CNTN5: variants seen among roughly 807,000 people sequenced by gnomAD.
The protein encoded by CNTN5 is contactin-5.
Under a neutral mutation model 129.1 loss-of-function variants are expected in CNTN5, and 77 were observed. The observed-to-expected ratio is 0.60, with a 90% CI of 0.50 to 0.72. The LOEUF is 0.72. Ranked by LOEUF, CNTN5 falls within the 30% of genes least tolerant of loss-of-function variation. CNTN5 has a pLI of 0.00. For synonymous variants in CNTN5, 509 were observed against 465.6 expected (o/e 1.09, Z -1.20); for missense variants, 1,478 against 1,328.8 (o/e 1.11, Z -1.75).
At chr11:99,333,839 T>G (rs1866103335) in intron 2 of CNTN5, among the ~76,000 whole-genome samples, 1 of 151,710 alleles carries the variant, frequency 6.6e-6, no homozygotes, top group Non-Finnish European at 1.5e-5. Context: ...TCCAACAGAG[T>G]TAATGATAAC....
intron 2 of CNTN5, among the ~76,000 whole-genome samples, chr11:99,431,192 G>T (rs1053554771): frequency 2.6e-5 from 4 of 152,016 alleles, no homozygotes; most frequent in African/African-American, 9.7e-5. Flanking sequence ...AGCTCTGATG[G>T]TAAGGAGAAA....
At chr11:99,844,660 A>G (rs1193090078) in intron 4 of CNTN5, 192 bp from the exon 5 acceptor site, 2 of 582,176 alleles carry the variant, frequency 3.4e-6, no homozygotes, top group Non-Finnish European at 6.0e-6. Context: ...TTAGTTGATT[A>G]AAAATTATAT....
At chr11:99,908,757 T>A (rs547759511) in intron 6 of CNTN5, among the ~76,000 whole-genome samples, 14 of 152,240 alleles carry the variant, frequency 9.2e-5, no homozygotes, top group African/African-American at 2.6e-4. Context: ...AATATTTTTA[T>A]CACATTCTGT....
intron 3 of CNTN5, among the ~76,000 whole-genome samples, chr11:99,721,083 A>G (rs936656750): frequency 2.0e-5 from 3 of 152,196 alleles, no homozygotes; most frequent in South Asian, 2.1e-4. Context: ...TTACAGATTC[A>G]ATGCTACTCC....
intron 9 of CNTN5, among the ~76,000 whole-genome samples, chr11:100,047,005 G>A (rs985719040): frequency 6.6e-6 from 1 of 152,160 alleles, no homozygotes; most frequent in Non-Finnish European, 1.5e-5. Context: ...TGAAGCTGAG[G>A]TGACTGAAAT....
chr11:99,725,417 A>C (rs1943304182), intron 3 of CNTN5, among the ~76,000 whole-genome samples: 1 of 151,660 alleles, frequency 6.6e-6, no homozygotes, highest in Admixed American at 6.6e-5. Flanking sequence ...TTCTTCCATT[A>C]ATTATATTAA....
chr11:99,620,059 G>T (rs1427236214), intron 3 of CNTN5, among the ~76,000 whole-genome samples: 1 of 127,120 alleles, frequency 7.9e-6, no homozygotes. Flanking sequence ...GCTTAGATCA[G>T]TTGAGGGCTC....
intron 8 of CNTN5, among the ~76,000 whole-genome samples, chr11:99,995,684 C>T (rs1462429896): frequency 6.6e-6 from 1 of 152,052 alleles, no homozygotes; most frequent in African/African-American, 2.4e-5. Flanking sequence ...ACATAGACAC[C>T]CCCAAACACA....
At chr11:99,323,923 CAG>C (rs1865673861) in intron 1 of CNTN5, among the ~76,000 whole-genome samples, 1 of 151,986 alleles carries the variant, frequency 6.6e-6, no homozygotes, top group East Asian at 1.9e-4. Flanking sequence ...GAGGAAGAAA[CAG>C]AGGAAGAGAC....
At position 99,077,595 on chromosome 11, in the gene CNTN5, A is replaced by C. The variant is rs112444404; in HGVS notation, c.-210+56325A>C. Among the ~76,000 whole-genome samples, 55 of 152,306 alleles carry C rather than the reference A, an allele frequency of 3.6e-4. 1 individual carries two copies. The highest frequency in any genetic ancestry group is 1.3e-3 in the African/African-American group (52 of 41,584). ...GGTGAACTGTAGAACTAAAAGCATCACTAAGTGGTATGGTTAGGCTTTGTG... is the reference window on the plus strand; with the variant it reads ...GGTGAACTGTAGAACTAAAAGCATCCCTAAGTGGTATGGTTAGGCTTTGTG... On this transcript the variant is annotated intron_variant, in intron 1 of 24. Transcript: ENST00000524871.
At chr11:99,739,365 A>G (rs1309478277) in intron 3 of CNTN5, among the ~76,000 whole-genome samples, 2 of 152,152 alleles carry the variant, frequency 1.3e-5, no homozygotes, top group Admixed American at 6.6e-5. Context: ...CTTTTACTTT[A>G]AAGAAGTACA....
intron 1 of CNTN5, among the ~76,000 whole-genome samples, chr11:99,204,375 G>C (rs1259435483): frequency 6.6e-6 from 1 of 152,048 alleles, no homozygotes; most frequent in Non-Finnish European, 1.5e-5. Context: ...TTGCATACGT[G>C]TGACTAAAGA....
chr11:100,259,192 A>T (rs1363168521), intron 17 of CNTN5, among the ~76,000 whole-genome samples: 1 of 152,204 alleles, frequency 6.6e-6, no homozygotes, highest in Non-Finnish European at 1.5e-5. Context: ...ATCAAAAAAG[A>T]CAAAGAAGGG....
chr11:100,319,875 G>T (rs1951651380), intron 21 of CNTN5, among the ~76,000 whole-genome samples: 1 of 152,104 alleles, frequency 6.6e-6, no homozygotes, highest in African/African-American at 2.4e-5. Flanking sequence ...GTTGCAAATG[G>T]CAGGATTTCT....
rs567550427 is a variant in CNTN5, at chr11:99,047,789, T to C, written c.-210+26519T>C. ...AGCTCATATACAAATTAAACAAGTA[T>C]CCTGTGACTCCTGTGTCAAATATGG... is the stretch of plus-strand genomic sequence containing the variant. On this transcript the variant is annotated intron_variant, in intron 1 of 24. Transcript: ENST00000524871. Among the ~76,000 whole-genome samples the C allele has an allele frequency of 2.0e-5, 3 of 152,168 alleles. No individual in the cohort carries two copies. In the East Asian group the frequency reaches 5.8e-4, roughly 29 times the overall value.
intron 8 of CNTN5, among the ~76,000 whole-genome samples, chr11:99,987,542 T>TATATAC (rs900439609): frequency 6.9e-6 from 1 of 144,088 alleles, no homozygotes; most frequent in Non-Finnish European, 1.5e-5. Context: ...TATATATATA[T>TATATAC]ACACATACAC....
intron 17 of CNTN5, among the ~76,000 whole-genome samples, chr11:100,260,994 G>A (rs1006503536): frequency 6.6e-6 from 1 of 152,124 alleles, no homozygotes; most frequent in East Asian, 1.9e-4. Context: ...TAGGAAGAGA[G>A]GAAGTAAAAT....
At chr11:99,586,978 A>G (rs1949813925) in intron 3 of CNTN5, among the ~76,000 whole-genome samples, 1 of 152,210 alleles carries the variant, frequency 6.6e-6, no homozygotes, top group African/African-American at 2.4e-5. Context: ...CAAGAGTATC[A>G]TTAATCAACT....
At chr11:99,207,435 C>T (rs1403351120) in intron 1 of CNTN5, among the ~76,000 whole-genome samples, 1 of 152,140 alleles carries the variant, frequency 6.6e-6, no homozygotes, top group Non-Finnish European at 1.5e-5. Flanking sequence ...CTATGATTTT[C>T]CCTACCTGCT....
Sources: allele counts gnomAD v4.1 joint callset (sites outside exome capture counted in the v4.1 genomes callset), GRCh38; gene constraint gnomAD v4.1.1; transcripts MANE v1.5; gene names NCBI Gene and HGNC (gene_info 2026-07-23, HGNC 2026-07-21).